The following ARG2 variants were observed in gnomAD, a reference collection of about 807,000 sequenced individuals.
ARG2 encodes arginase 2.
ARG2 carries 21 observed loss-of-function variants against 39.4 expected under a neutral mutation model. That is an observed-to-expected ratio of 0.53 (90% CI 0.38 to 0.77). The LOEUF (loss-of-function observed/expected upper bound fraction) is 0.77. ARG2 is among the 30% of genes least tolerant of loss of function. The probability of loss-of-function intolerance (pLI) is 0.00; values close to 1 mark genes in which losing one functional copy is unlikely to be tolerated. For synonymous variants in ARG2, 150 were observed against 156.7 expected (o/e 0.96, Z 0.32); for missense variants, 378 against 426.2 (o/e 0.89, Z 1.00).
rs3070464 is a variant in ARG2 at position 67,627,256 on chromosome 14, G to GATATATATATATATATATATAT, written c.184+6295_184+6316dup. Among the ~76,000 whole-genome samples the GATATATATATATATATATATAT allele has an allele frequency of 1.6e-3, 220 of 133,646 alleles. 3 individuals carry two copies. The highest frequency in any genetic ancestry group is 5.7e-3 in the African/African-American group (192 of 33,772). The allele number at this position is 133,646 out of a possible 152,430, so 87.7% of individuals were successfully genotyped here. On this transcript the variant is annotated intron_variant, in intron 2 of 7. Coordinates refer to ENST00000261783, the MANE Select transcript of ARG2 (RefSeq NM_001172.4). ...ACTAGGCAATTGTGATCAGTAAGGA[G>GATATATATATATATATATATAT]ATATATATATATATATATATATATA...
At chr14:67,626,585 C>T (rs1244442390) in intron 2 of ARG2, among the ~76,000 whole-genome samples, 1 of 152,104 alleles carries the variant, frequency 6.6e-6, no homozygotes, top group Non-Finnish European at 1.5e-5. Flanking sequence ...CAATCTCGGC[C>T]TCAGCCTTCT....
At chr14:67,620,238 C>T (rs537490886) in intron 1 of ARG2, 150 bp downstream of exon 1, 4 of 435,624 alleles carry the variant, frequency 9.2e-6, no homozygotes, top group Non-Finnish European at 1.2e-5. Context: ...CTACTGGGCA[C>T]CGTGGGAGCA....
chr14:67,620,919 C>T lies in ARG2; in HGVS notation c.137C>T (p.Pro46Leu), dbSNP rs2140701229. The T allele has an allele frequency of 1.9e-6, 3 of 1,614,130 alleles. No homozygotes were observed. The East Asian group carries it at 6.7e-5, about 36-fold the overall frequency. Residue 46 changes from proline to leucine, a missense_variant, in exon 2 of 8, where the codon CCC (proline) becomes CTC (leucine). By Grantham distance (98) the Pro-to-Leu change is moderately conservative (BLOSUM62 -3). Transcript: ENST00000261783. ...GQKRKGVEHGPAAIREAGLMK... is the reference protein window; with the variant it reads ...GQKRKGVEHGLAAIREAGLMK... The stretch of plus-strand genomic sequence containing the variant: ...AAAAGAAAAGGAGTGGAGCATGGTC[C>T]CGCTGCCATAAGAGAAGCTGGCTTG...
Position 67,651,323 on chromosome 14 carries a change from T to C in ARG2, c.*403T>C. 1 of 1,610,530 alleles carries C rather than the reference T, an allele frequency of 6.2e-7. No homozygotes were observed. The highest frequency in any genetic ancestry group is 8.5e-7 in the Non-Finnish European group (1 of 1,177,956). ...CAGCAATATGCTTATTCTATCCACA[T>C]CCCTAACATCATGCATTCACAAGGT... is the stretch of plus-strand genomic sequence containing the variant. On this transcript the variant is annotated 3_prime_UTR_variant, in exon 8 of 8. Coordinates refer to ENST00000261783, the MANE Select transcript of ARG2 (RefSeq NM_001172.4).
At chr14:67,631,019 C>G (rs1417491568) in intron 2 of ARG2, among the ~76,000 whole-genome samples, 1 of 152,216 alleles carries the variant, frequency 6.6e-6, no homozygotes, top group Non-Finnish European at 1.5e-5. Context: ...TCTAGACCCC[C>G]TCCCCTCTGA....
In ARG2 at chr14:67,651,633, T is replaced by C; in HGVS notation, c.*713T>C. The C allele has an allele frequency of 1.3e-6, 1 of 751,086 alleles. No homozygotes were observed. Among genetic ancestry groups the C allele is most frequent in the Non-Finnish European group, 2.1e-6 (1 of 484,080 alleles). The allele number at this position is 751,086 out of a possible 1,614,324, so 46.5% of individuals were successfully genotyped here. ...AGCAGGAAGTACTCATAAGGTTCTT[T>C]AGCTGTCACTTAGGGATAACACTGT... On this transcript the variant is annotated 3_prime_UTR_variant, in exon 8 of 8. Coordinates refer to ENST00000261783, the MANE Select transcript of ARG2 (RefSeq NM_001172.4).
At chr14:67,644,601 CATTT>C (rs900467491) in intron 3 of ARG2, among the ~76,000 whole-genome samples, 18 of 152,308 alleles carry the variant, frequency 1.2e-4, no homozygotes, top group Admixed American at 1.2e-3. Flanking sequence ...AGCTTTCCAA[CATTT>C]ATTTCATCAG....
chr14:67,640,978 G>A (rs994183341), intron 2 of ARG2, among the ~76,000 whole-genome samples: 1 of 152,092 alleles, frequency 6.6e-6, no homozygotes, highest in Non-Finnish European at 1.5e-5. Context: ...TGAACACACT[G>A]TATTAATGGT....
At chr14:67,626,716 T>C (rs2036870232) in intron 2 of ARG2, among the ~76,000 whole-genome samples, 1 of 152,140 alleles carries the variant, frequency 6.6e-6, no homozygotes, top group Non-Finnish European at 1.5e-5. Context: ...TGCCTCAGCC[T>C]CCCAAAGTGC....
At chr14:67,622,103 A>C (rs1210032691) in intron 2 of ARG2, among the ~76,000 whole-genome samples, 2 of 152,098 alleles carry the variant, frequency 1.3e-5, no homozygotes, top group Non-Finnish European at 2.9e-5. Flanking sequence ...TAAATAAATA[A>C]ATACCTTTAT....
Position 67,620,063 on chromosome 14 carries a change from TAGG to T in ARG2, c.89_91del (p.Gly30del). ...AAATCCGTCCACTCCGTGGCTGTGA[TAGG>T]AGCCCCGTTCTCACAAGGGCAGGTG... On this transcript the variant is annotated inframe_deletion, in exon 1 of 8. Coordinates refer to ENST00000261783, the MANE Select transcript of ARG2 (RefSeq NM_001172.4). 6.2e-7 allele frequency: 1 copy of T among 1,610,398 alleles called. No individual in the cohort carries two copies. The highest frequency in any genetic ancestry group is 8.5e-7 in the Non-Finnish European group (1 of 1,178,370).
intron 5 of ARG2, 30 bp from the exon 6 acceptor site, chr14:67,646,891 A>G (rs753174084): frequency 5.3e-6 from 8 of 1,495,742 alleles, no homozygotes; most frequent in Middle Eastern, 1.7e-4. Context: ...TCTTTAAACT[A>G]AGGACTCCTC....
chr14:67,627,197 T>C (rs2036874697), intron 2 of ARG2, among the ~76,000 whole-genome samples: 2 of 151,246 alleles, frequency 1.3e-5, no homozygotes, highest in Admixed American at 6.6e-5. Context: ...GGATGAATTT[T>C]ATGGTATGTG....
chr14:67,642,422 C>T, intron 3 of ARG2, 59 bp downstream of exon 3: 1 of 1,560,686 alleles, frequency 6.4e-7, no homozygotes, highest in African/African-American at 1.4e-5. Flanking sequence ...GGGCTCATAA[C>T]TTAGCTTCTT....
At chr14:67,642,584 ACATT>A (rs752574191) in intron 3 of ARG2, among the ~76,000 whole-genome samples, 1 of 152,150 alleles carries the variant, frequency 6.6e-6, no homozygotes, top group Non-Finnish European at 1.5e-5. Flanking sequence ...AAGAATATGT[ACATT>A]CAGACACAGC....
intron 4 of ARG2, among the ~76,000 whole-genome samples, chr14:67,646,031 C>A (rs1443083925): frequency 2.6e-5 from 4 of 152,212 alleles, no homozygotes; most frequent in Admixed American, 2.0e-4. Context: ...ACAATAGCGA[C>A]TGATATACCC....
At position 67,647,098 on chromosome 14, in the gene ARG2, G is replaced by C. The variant is rs1195766452; in HGVS notation, c.722+73G>C. ...ACTTTTAGCCTGTTTCTTGAGGACA[G>C]CAGCTTTACTTTTAAAATACAAAGC... On this transcript the variant is annotated intron_variant, in intron 6 of 7. Coordinates refer to ENST00000261783, the MANE Select transcript of ARG2 (RefSeq NM_001172.4). The C allele has an allele frequency of 6.2e-6, 6 of 974,464 alleles. No individual in the cohort carries two copies. The Admixed American group carries it at 1.2e-4, about 20-fold the overall frequency. The allele number at this position is 974,464 out of a possible 1,614,324, so 60.4% of individuals were successfully genotyped here. A position where few individuals can be genotyped will look rare whatever the true frequency, so the allele number is the denominator to read the frequency against.
intron 2 of ARG2, among the ~76,000 whole-genome samples, chr14:67,641,927 A>G (rs2037035681): frequency 6.6e-6 from 1 of 152,206 alleles, no homozygotes; most frequent in African/African-American, 2.4e-5. Context: ...ACTCCAGGAT[A>G]TCTGAGGTCT....
At chr14:67,643,211 A>G (rs192149021) in intron 3 of ARG2, among the ~76,000 whole-genome samples, 2 of 152,306 alleles carry the variant, frequency 1.3e-5, no homozygotes, top group African/African-American at 4.8e-5. Context: ...CACTGTTCTG[A>G]TATTTTCTCA....
Sources: gnomAD v4.1 joint callset for allele counts (sites outside exome capture counted in the v4.1 genomes callset) on GRCh38, gnomAD v4.1.1 for gene constraint, MANE v1.5 for transcripts, NCBI Gene and HGNC (gene_info 2026-07-23, HGNC 2026-07-21) for gene names.